CCSER1: variants seen among roughly 807,000 people sequenced by gnomAD.
CCSER1 encodes serine-rich coiled-coil domain-containing protein 1.
A neutral mutation model predicts 82.0 loss-of-function variants in CCSER1; 41 were observed. The observed-to-expected ratio is 0.50, with a 90% CI of 0.39 to 0.65. The LOEUF is 0.65. Ranked by LOEUF, CCSER1 falls within the 30% of genes least tolerant of loss-of-function variation. CCSER1 has a pLI of 0.00. For synonymous variants in CCSER1, 414 were observed against 383.9 expected, an observed-to-expected ratio of 1.08 and a Z score of -0.92; for missense variants, 1,119 against 1,064.2, an observed-to-expected ratio of 1.05 and a Z score of -0.72.
chr4:90,990,104 C>T (rs1736901633), intron 9 of CCSER1, among the ~76,000 whole-genome samples: 1 of 151,824 alleles, frequency 6.6e-6, no homozygotes, highest in Non-Finnish European at 1.5e-5. Context: ...ATGCCTATTG[C>T]ATGTTAAATG....
At chr4:90,563,655 T>C (rs1273094320) in intron 5 of CCSER1, among the ~76,000 whole-genome samples, 1 of 152,214 alleles carries the variant, frequency 6.6e-6, no homozygotes, top group Non-Finnish European at 1.5e-5. Flanking sequence ...TTATTGTGTA[T>C]ATATATTACA....
chr4:90,693,022 C>T (rs2149243332), intron 6 of CCSER1, among the ~76,000 whole-genome samples: 1 of 151,964 alleles, frequency 6.6e-6, no homozygotes, highest in East Asian at 1.9e-4. Context: ...CACACAGTTC[C>T]ACAATGTCAG....
intron 10 of CCSER1, among the ~76,000 whole-genome samples, chr4:91,353,654 G>T (rs1432066806): frequency 6.6e-6 from 1 of 151,922 alleles, no homozygotes; most frequent in African/African-American, 2.4e-5. Context: ...TCTTATTTTT[G>T]CTACTTATGA....
chr4:91,027,841 C>T (rs1322426415), intron 9 of CCSER1, among the ~76,000 whole-genome samples: 4 of 152,018 alleles, frequency 2.6e-5, no homozygotes, highest in Non-Finnish European at 5.9e-5. Context: ...TGTCAAACCA[C>T]ATACAAGCCA....
At chr4:90,714,595 G>A (rs1741282765) in intron 6 of CCSER1, among the ~76,000 whole-genome samples, 1 of 151,980 alleles carries the variant, frequency 6.6e-6, no homozygotes, top group African/African-American at 2.4e-5. Flanking sequence ...GGGAAAAATT[G>A]TGGGTTAAAA....
intron 5 of CCSER1, among the ~76,000 whole-genome samples, chr4:90,520,327 T>C (rs1772914574): frequency 6.6e-6 from 1 of 152,022 alleles, no homozygotes; most frequent in African/African-American, 2.4e-5. Flanking sequence ...AGAAAATAGA[T>C]ATTCTTTTTC....
chr4:91,577,462 TAAA>T (rs201479325), intron 10 of CCSER1, among the ~76,000 whole-genome samples: 1 of 150,966 alleles, frequency 6.6e-6, no homozygotes, highest in Non-Finnish European at 1.5e-5. Context: ...AAAAATAAAA[TAAA>T]AAAAAATACC....
intron 10 of CCSER1, among the ~76,000 whole-genome samples, chr4:91,490,925 T>A (rs1228152228): frequency 5.0e-4 from 44 of 87,488 alleles, no homozygotes; most frequent in Non-Finnish European, 7.3e-4. Flanking sequence ...TATATATATA[T>A]ATAAAATATG....
chr4:91,530,865 T>C lies in CCSER1; in HGVS notation c.2218-67707T>C, dbSNP rs553835079. Among the ~76,000 whole-genome samples, 9 of 152,166 alleles carry C rather than the reference T, an allele frequency of 5.9e-5. No individual in the cohort carries two copies. The East Asian group carries it at 1.5e-3, about 26-fold the overall frequency. ...ACCACACCCAGCTAATTTTGTATTT[T>C]TAGCAGAGACGGGGTTTCTCCATGT... On this transcript the variant is annotated intron_variant, in intron 10 of 10. Coordinates refer to ENST00000509176, the MANE Select transcript of CCSER1 (RefSeq NM_001145065.2).
At chr4:91,235,508 T>G (rs539923673) in intron 10 of CCSER1, among the ~76,000 whole-genome samples, 1 of 152,326 alleles carries the variant, frequency 6.6e-6, no homozygotes, top group African/African-American at 2.4e-5. Context: ...CAAAGTAAAT[T>G]TTATTTTGTT....
chr4:91,263,041 G>A (rs1379959946), intron 10 of CCSER1, among the ~76,000 whole-genome samples: 5 of 151,874 alleles, frequency 3.3e-5, no homozygotes, highest in East Asian at 1.9e-4. Flanking sequence ...CCTAGCCCAC[G>A]GGAATTTTGT....
chr4:90,289,575 A>T (rs929427322), intron 1 of CCSER1, among the ~76,000 whole-genome samples: 3 of 151,850 alleles, frequency 2.0e-5, no homozygotes, highest in South Asian at 2.1e-4. Flanking sequence ...TTTTACAGGG[A>T]TAGTATCTCT....
At chr4:90,685,592 A>T (rs1369312777) in intron 6 of CCSER1, among the ~76,000 whole-genome samples, 1 of 152,144 alleles carries the variant, frequency 6.6e-6, no homozygotes, top group African/African-American at 2.4e-5. Context: ...GACATATGTA[A>T]GACCCTCAGC....
At chr4:91,331,186 A>G (rs532100353) in intron 10 of CCSER1, among the ~76,000 whole-genome samples, 1 of 152,260 alleles carries the variant, frequency 6.6e-6, no homozygotes, top group East Asian at 1.9e-4. Context: ...CTTATTTTAT[A>G]TTTAGGACAA....
intron 7 of CCSER1, among the ~76,000 whole-genome samples, chr4:90,730,531 G>A (rs1190093840): frequency 1.3e-5 from 2 of 152,106 alleles, no homozygotes; most frequent in African/African-American, 4.8e-5. Flanking sequence ...TGCATTAATG[G>A]TGTTTGGGTT....
At chr4:90,835,227 A>T (rs1277867349) in intron 8 of CCSER1, among the ~76,000 whole-genome samples, 2 of 152,278 alleles carry the variant, frequency 1.3e-5, no homozygotes, top group East Asian at 3.9e-4. Flanking sequence ...GCTACTCAGG[A>T]GGCTGAGGCA....
intron 10 of CCSER1, among the ~76,000 whole-genome samples, chr4:91,312,890 A>G (rs184627251): frequency 7.2e-5 from 11 of 152,146 alleles, no homozygotes; most frequent in African/African-American, 2.4e-4. Flanking sequence ...AGAGTTGTAA[A>G]GGCTGCTGAT....
At position 90,308,397 on chromosome 4, in the gene CCSER1, C is replaced by T. The variant is rs757408650; in HGVS notation, c.113C>T (p.Thr38Ile). 9 of 1,613,666 alleles carry T rather than the reference C, an allele frequency of 5.6e-6. No homozygotes were observed. In the Admixed American group the frequency reaches 1.3e-4, roughly 24 times the overall value. The change falls in exon 2 of 11, where the codon ACA becomes ATA. Residue 38 changes from threonine (T) to isoleucine (I), a missense_variant. By Grantham distance (89) the Thr-to-Ile change is moderately conservative. Coordinates refer to ENST00000509176, the MANE Select transcript of CCSER1 (RefSeq NM_001145065.2). ...CCTTCTTCACCTTCTTCCAGTAATA[C>T]AGTTGGTGTCCACAGTTCCTCTCCT... The part of the protein sequence containing the change: ...SLPSSPSSSN[T>I]VGVHSSSPSS...
chr4:91,395,762 A>G (rs955998351), intron 10 of CCSER1, among the ~76,000 whole-genome samples: 1 of 151,070 alleles, frequency 6.6e-6, no homozygotes, highest in Non-Finnish European at 1.5e-5. Flanking sequence ...ATGAGAAAGA[A>G]AAAAAAATTC....
Sources: gnomAD v4.1 joint callset for allele counts (sites outside exome capture counted in the v4.1 genomes callset) on GRCh38, gnomAD v4.1.1 for gene constraint, MANE v1.5 for transcripts, NCBI Gene and HGNC (gene_info 2026-07-23, HGNC 2026-07-21) for gene names.